The following CAPN13 variants were observed in gnomAD, a reference collection of about 807,000 sequenced individuals.
CAPN13 encodes the protein calpain-13.
CAPN13 carries 90 observed loss-of-function variants against 98.4 expected under a neutral mutation model. That is an observed-to-expected ratio of 0.92 (90% CI 0.77 to 1.09). The LOEUF is 1.09. Ranked by LOEUF, CAPN13 falls within the 50% of genes least tolerant of loss-of-function variation. The pLI, the probability that CAPN13 is intolerant of heterozygous loss-of-function variation, is 0.00. For missense variants in CAPN13, 887 were observed against 841.3 expected (o/e 1.05, Z -0.67); for synonymous variants, 330 against 305.5 (o/e 1.08, Z -0.84).
At chr2:30,765,658 TTC>T (rs1673073709) in intron 5 of CAPN13, among the ~76,000 whole-genome samples, 1 of 152,174 alleles carries the variant, frequency 6.6e-6, no homozygotes, top group Admixed American at 6.5e-5. Flanking sequence ...ACCTCTGACA[TTC>T]TCTCTTCCTG....
intron 6 of CAPN13, among the ~76,000 whole-genome samples, chr2:30,763,664 G>T (rs111808722): frequency 6.6e-6 from 1 of 152,234 alleles, no homozygotes; most frequent in African/African-American, 2.4e-5. Context: ...GGTCACCCAA[G>T]CTTTTCAAAA....
intron 1 of CAPN13, among the ~76,000 whole-genome samples, chr2:30,804,960 T>A (rs1675522949): frequency 6.6e-6 from 1 of 152,182 alleles, no homozygotes; most frequent in African/African-American, 2.4e-5. Context: ...TATTAAACCT[T>A]TCTTAGGTGC....
chr2:30,744,112 C>T (rs1014562992), intron 12 of CAPN13, among the ~76,000 whole-genome samples: 1 of 152,136 alleles, frequency 6.6e-6, no homozygotes, highest in Non-Finnish European at 1.5e-5. Flanking sequence ...AGAGATAAAA[C>T]AATAAATATA....
chr2:30,783,461 G>T (rs1674096747), intron 2 of CAPN13, among the ~76,000 whole-genome samples: 3 of 152,166 alleles, frequency 2.0e-5, no homozygotes, highest in Admixed American at 2.0e-4. Context: ...AAAAGTTTCA[G>T]CAGCAAAATG....
chr2:30,763,015 T>C (rs1002287326), intron 7 of CAPN13, 67 bp downstream of exon 7: 26 of 1,313,954 alleles, frequency 2.0e-5, no homozygotes, highest in Non-Finnish European at 2.4e-5. Flanking sequence ...CTGGCCCCTA[T>C]TGAGAGGAAC....
At chr2:30,729,653 C>A (rs1670990947) in intron 22 of CAPN13, 1 of 152,180 alleles carries the variant, frequency 6.6e-6, no homozygotes, top group Non-Finnish European at 1.5e-5. Flanking sequence ...ATGATCTCTG[C>A]AGTATTCATT....
At chr2:30,804,590 GC>G (rs979778988) in intron 1 of CAPN13, among the ~76,000 whole-genome samples, 8 of 152,272 alleles carry the variant, frequency 5.3e-5, no homozygotes, top group African/African-American at 1.9e-4. Context: ...ATATCAAGGA[GC>G]CCCCAGCAAC....
chr2:30,731,466 A>G (rs1254850550), intron 20 of CAPN13, 67 bp from the exon 21 acceptor site: 2 of 1,406,398 alleles, frequency 1.4e-6, no homozygotes, highest in Non-Finnish European at 9.8e-7. Context: ...CAGGGGAGGC[A>G]GGCCTGGGCC....
intron 13 of CAPN13, 83 bp from the exon 14 acceptor site, chr2:30,742,442 A>ATCAATATCCAGTGCCAC: frequency 1.4e-6 from 2 of 1,468,902 alleles, no homozygotes; most frequent in Non-Finnish European, 1.9e-6. Flanking sequence ...CCCAGGTGGC[A>ATCAATATCCAGTGCCAC]CTGGATATTG....
chr2:30,803,117 G>A (rs199601590), intron 1 of CAPN13, among the ~76,000 whole-genome samples: 40 of 152,356 alleles, frequency 2.6e-4, no homozygotes, highest in African/African-American at 8.4e-4. Flanking sequence ...TTTCTGAGGT[G>A]GGGCTTAATG....
At chr2:30,770,564 A>G (rs960753786) in intron 4 of CAPN13, 115 bp from the exon 5 acceptor site, 3 of 1,278,744 alleles carry the variant, frequency 2.3e-6, no homozygotes, top group Middle Eastern at 2.5e-4. Context: ...AATGAACTCT[A>G]TTCCGAACAA....
intron 11 of CAPN13, among the ~76,000 whole-genome samples, chr2:30,749,307 T>C (rs567630091): frequency 3.9e-5 from 6 of 152,350 alleles, no homozygotes; most frequent in Non-Finnish European, 7.3e-5. Flanking sequence ...TCAGTAAGTA[T>C]ATAATGCAAA....
intron 1 of CAPN13, among the ~76,000 whole-genome samples, chr2:30,802,174 G>A (rs575559060): frequency 6.6e-5 from 10 of 152,038 alleles, no homozygotes; most frequent in Non-Finnish European, 1.5e-4. Flanking sequence ...GGGGGGTGGC[G>A]GGGGTTTGGA....
chr2:30,734,047 C>T (rs1275908428), intron 19 of CAPN13, among the ~76,000 whole-genome samples: 1 of 152,158 alleles, frequency 6.6e-6, no homozygotes, highest in Non-Finnish European at 1.5e-5. Flanking sequence ...TTAATTTAGC[C>T]CCAAACTCTC....
intron 2 of CAPN13, among the ~76,000 whole-genome samples, chr2:30,784,357 G>GAAGCCTC (rs1674148942): frequency 6.6e-6 from 1 of 152,206 alleles, no homozygotes; most frequent in Non-Finnish European, 1.5e-5. Flanking sequence ...AATAGGCCCT[G>GAAGCCTC]AGGCTGCTAC....
At chr2:30,748,389 T>G (rs539912764) in intron 11 of CAPN13, among the ~76,000 whole-genome samples, 1 of 152,282 alleles carries the variant, frequency 6.6e-6, no homozygotes, top group East Asian at 1.9e-4. Flanking sequence ...AAGATGCTTC[T>G]TGGAAGGACA....
In CAPN13 at chr2:30,730,414, C is replaced by G. The variant is rs1671025536; in HGVS notation, c.*30+316G>C. Reference sequence around the variant, plus strand: ...GTTGCTCTACACCATTCCATTTCCACCATTTCTCTTGCCCTTCCCGTGATG... The same window carrying G: ...GTTGCTCTACACCATTCCATTTCCAGCATTTCTCTTGCCCTTCCCGTGATG... On this transcript the variant is annotated intron_variant, in intron 22 of 22. Coordinates refer to ENST00000295055, the MANE Select transcript of CAPN13 (RefSeq NM_144575.3). Among the ~76,000 whole-genome samples, 3 of 152,344 alleles carry G rather than the reference C, an allele frequency of 2.0e-5. No individual in the cohort carries two copies. In the East Asian group the frequency reaches 5.8e-4, roughly 29 times the overall value.
chr2:30,732,051 T>C (rs1671125408), intron 20 of CAPN13, among the ~76,000 whole-genome samples: 1 of 152,132 alleles, frequency 6.6e-6, no homozygotes, highest in Non-Finnish European at 1.5e-5. Context: ...TTCTGAAGCC[T>C]GGGGAGGGAC....
At chr2:30,738,012 T>C in intron 17 of CAPN13, 1 of 532,158 alleles carries the variant, frequency 1.9e-6, no homozygotes. Flanking sequence ...CACACCCCAG[T>C]ACACTGATCA....
Sources: allele counts gnomAD v4.1 joint callset (sites outside exome capture counted in the v4.1 genomes callset), GRCh38; gene constraint gnomAD v4.1.1; transcripts MANE v1.5; gene names NCBI Gene and HGNC (gene_info 2026-07-23, HGNC 2026-07-21).